Variants in PIBF1 observed in about 807,000 individuals in gnomAD.
PIBF1 encodes progesterone immunomodulatory binding factor 1, also known as progesterone-induced-blocking factor 1.
In PIBF1, 90 loss-of-function variants were observed where a neutral mutation model predicts 112.5. That is an observed-to-expected ratio of 0.80 (90% CI 0.67 to 0.95). The LOEUF (loss-of-function observed/expected upper bound fraction) is 0.95. Among genes scored for constraint, PIBF1 ranks in the 40% least tolerant of loss-of-function variants. PIBF1 has a pLI of 0.00. For missense variants in PIBF1, 915 were observed against 852.3 expected (o/e 1.07, Z -0.92); for synonymous variants, 301 against 288.6 (o/e 1.04, Z -0.44).
At chr13:72,907,398 A>T (rs1566432885) in intron 11 of PIBF1, among the ~76,000 whole-genome samples, 1 of 152,106 alleles carries the variant, frequency 6.6e-6, no homozygotes, top group South Asian at 2.1e-4. Context: ...AAAGTGTTTA[A>T]TTGTAGAGAA....
chr13:72,917,434 A>T (rs191725265), intron 13 of PIBF1, among the ~76,000 whole-genome samples: 20 of 152,216 alleles, frequency 1.3e-4, no homozygotes, highest in African/African-American at 4.8e-4. Context: ...TTAATTTCAG[A>T]TGAGCTACAA....
At chr13:72,787,019 G>C (rs2034634679) in intron 2 of PIBF1, among the ~76,000 whole-genome samples, 1 of 152,110 alleles carries the variant, frequency 6.6e-6, no homozygotes, top group African/African-American at 2.4e-5. Context: ...TAAAATGTGA[G>C]AAAGTGTGAG....
intron 5 of PIBF1, among the ~76,000 whole-genome samples, chr13:72,810,264 T>C (rs1302562449): frequency 6.6e-6 from 1 of 152,188 alleles, no homozygotes; most frequent in Non-Finnish European, 1.5e-5. Flanking sequence ...TTTGCTATTA[T>C]AGAGTTAGTT....
chr13:72,923,576 C>T (rs908684860), intron 13 of PIBF1, among the ~76,000 whole-genome samples: 22 of 152,150 alleles, frequency 1.4e-4, no homozygotes, highest in Non-Finnish European at 2.5e-4. Flanking sequence ...TTATAAAAAG[C>T]ATTGCTTTCT....
At chr13:72,944,055 A>G (rs2042082725) in intron 14 of PIBF1, among the ~76,000 whole-genome samples, 1 of 152,206 alleles carries the variant, frequency 6.6e-6, no homozygotes, top group Non-Finnish European at 1.5e-5. Flanking sequence ...GCTGGCCATA[A>G]TATTAATAAA....
intron 9 of PIBF1, among the ~76,000 whole-genome samples, chr13:72,847,268 G>A (rs957167265): frequency 2.0e-5 from 3 of 152,166 alleles, no homozygotes; most frequent in Non-Finnish European, 4.4e-5. Flanking sequence ...AAATCTGCTT[G>A]AGCACCAATT....
intron 2 of PIBF1, among the ~76,000 whole-genome samples, chr13:72,784,564 C>T (rs2034490357): frequency 6.6e-6 from 1 of 151,974 alleles, no homozygotes; most frequent in African/African-American, 2.4e-5. Context: ...TTCGAGACTA[C>T]CCTGAGCAAC....
chr13:72,849,782 G>T (rs562788159), intron 9 of PIBF1, among the ~76,000 whole-genome samples: 3 of 152,164 alleles, frequency 2.0e-5, no homozygotes, highest in South Asian at 2.1e-4. Flanking sequence ...GAGCCAAATT[G>T]TTTGGGTGCA....
intron 13 of PIBF1, among the ~76,000 whole-genome samples, chr13:72,928,047 A>ATATATATATATATATACG (rs1566458897): frequency 2.9e-5 from 4 of 139,892 alleles, no homozygotes; most frequent in Admixed American, 7.4e-5. Context: ...ATATATATAC[A>ATATATATATATATATACG]TATATATATG....
At chr13:72,984,369 T>TTTA (rs1222737633) in intron 16 of PIBF1, among the ~76,000 whole-genome samples, 1 of 152,200 alleles carries the variant, frequency 6.6e-6, no homozygotes, top group Non-Finnish European at 1.5e-5. Context: ...AAGGAAAAGT[T>TTTA]TTAAATTAGT....
chr13:72,980,004 A>T (rs893535053), intron 16 of PIBF1, among the ~76,000 whole-genome samples: 11 of 152,070 alleles, frequency 7.2e-5, no homozygotes, highest in Non-Finnish European at 1.6e-4. Flanking sequence ...TGAAGAGAGG[A>T]GGGATGAGAA....
At chr13:72,847,111 C>T (rs1038203406) in intron 9 of PIBF1, among the ~76,000 whole-genome samples, 15 of 152,186 alleles carry the variant, frequency 9.9e-5, no homozygotes, top group African/African-American at 3.1e-4. Flanking sequence ...TTTATCCTGT[C>T]AGCTACTTTG....
chr13:72,990,039 C>T (rs529301317), intron 16 of PIBF1, among the ~76,000 whole-genome samples: 1 of 149,516 alleles, frequency 6.7e-6, no homozygotes, highest in Admixed American at 6.7e-5. Flanking sequence ...TATGGTGAAA[C>T]TCCGTGTACA....
intron 14 of PIBF1, among the ~76,000 whole-genome samples, chr13:72,940,527 T>C (rs1017931135): frequency 1.3e-5 from 2 of 152,194 alleles, no homozygotes; most frequent in East Asian, 3.8e-4. Flanking sequence ...ATATATCACA[T>C]TGTTCAGCTT....
chr13:72,858,133 C>G (rs1326552898), intron 10 of PIBF1, among the ~76,000 whole-genome samples: 1 of 151,574 alleles, frequency 6.6e-6, no homozygotes, highest in Non-Finnish European at 1.5e-5. Flanking sequence ...CTCGCTGCAG[C>G]CTCTGCCTCC....
intron 2 of PIBF1, among the ~76,000 whole-genome samples, chr13:72,789,313 C>A (rs756475602): frequency 4.4e-4 from 67 of 152,034 alleles, no homozygotes; most frequent in African/African-American, 3.4e-4. Context: ...GCCTCTTGAG[C>A]AGCTGAGACT....
intron 14 of PIBF1, among the ~76,000 whole-genome samples, chr13:72,947,491 T>C (rs1053234461): frequency 6.6e-6 from 1 of 152,216 alleles, no homozygotes; most frequent in African/African-American, 2.4e-5. Context: ...TTTTGCTCCT[T>C]GTTACATAGG....
intron 7 of PIBF1, among the ~76,000 whole-genome samples, chr13:72,827,502 G>A (rs559313662): frequency 6.6e-6 from 1 of 152,126 alleles, no homozygotes; most frequent in South Asian, 2.1e-4. Context: ...ACCTGCCTTG[G>A]CCTCCCAAAG....
intron 15 of PIBF1, among the ~76,000 whole-genome samples, chr13:72,973,261 C>T (rs1238989447): frequency 7.1e-6 from 1 of 141,820 alleles, no homozygotes; most frequent in Non-Finnish European, 1.5e-5. Context: ...CCAGCCTGGG[C>T]AACACAGCAA....
Sources: gnomAD v4.1 joint callset for allele counts (sites outside exome capture counted in the v4.1 genomes callset) on GRCh38, gnomAD v4.1.1 for gene constraint, MANE v1.5 for transcripts, NCBI Gene and HGNC (gene_info 2026-07-23, HGNC 2026-07-21) for gene names.